Variants in DPP10 observed in about 807,000 individuals in gnomAD.
DPP10 encodes inactive dipeptidyl peptidase 10.
DPP10 carries 33 observed loss-of-function variants against 120.9 expected under a neutral mutation model. The ratio of observed to expected loss-of-function variants is 0.27; its 90% CI spans 0.21 to 0.37. DPP10 has a LOEUF of 0.37. Among genes scored for constraint, DPP10 ranks in the 10% least tolerant of loss-of-function variants. The probability of loss-of-function intolerance (pLI) is 1.00; values close to 1 mark genes in which losing one functional copy is unlikely to be tolerated. For missense variants in DPP10, 816 were observed against 942.8 expected (o/e 0.87, Z 1.76); for synonymous variants, 337 against 326.1 (o/e 1.03, Z -0.36).
chr2:115,736,704 G>A lies in DPP10; in HGVS notation c.698-3035G>A, dbSNP rs114090543. On this transcript the variant is annotated intron_variant, in intron 8 of 25. Coordinates refer to ENST00000410059, the MANE Select transcript of DPP10 (RefSeq NM_020868.6). Reference sequence around the variant, plus strand: ...AAATATTTTGTGGCAAAAAATTCACGTGCCATCAGCTCTTCCCCTGAGAAG... The same window carrying A: ...AAATATTTTGTGGCAAAAAATTCACATGCCATCAGCTCTTCCCCTGAGAAG... Among the ~76,000 whole-genome samples, 759 of 152,160 alleles carry A rather than the reference G, an allele frequency of 5.0e-3. 10 individuals carry two copies. The highest frequency in any genetic ancestry group is 0.017 in the African/African-American group (714 of 41,510).
chr2:115,166,497 T>TTATATATTATATAAATTTATAATATAAA lies in DPP10; in HGVS notation c.61-142734_61-142707dup, dbSNP rs1559172594. On this transcript the variant is annotated intron_variant, in intron 1 of 25. Transcript: ENST00000410059. ...AATTTCTTATTTTTATATGTAAATATTATATATTATATAAATTTATAATAT... is the reference window on the plus strand; with the variant it reads ...AATTTCTTATTTTTATATGTAAATATTATATATTATATAAATTTATAATATAAATATATATTATATAAATTTATAATAT... Among the ~76,000 whole-genome samples, 4 of 116,348 alleles carry TTATATATTATATAAATTTATAATATAAA rather than the reference T, an allele frequency of 3.4e-5. 1 individual carries two copies. Among genetic ancestry groups the TTATATATTATATAAATTTATAATATAAA allele is most frequent in the Non-Finnish European group, 7.5e-5 (4 of 53,532 alleles). 76.3% of individuals were successfully genotyped at this position (116,348 alleles called of 152,430 possible).
chr2:115,342,231 C>T (rs546551790), intron 2 of DPP10: 3 of 438,612 alleles, frequency 6.8e-6, no homozygotes, highest in African/African-American at 2.0e-5. Context: ...CAAGGTCTCA[C>T]CCTGTCACCC....
chr2:115,174,281 C>T (rs2053556490), intron 1 of DPP10, among the ~76,000 whole-genome samples: 1 of 152,078 alleles, frequency 6.6e-6, no homozygotes, highest in South Asian at 2.1e-4. Context: ...TACATGTTTC[C>T]AAATGAGAAA....
intron 21 of DPP10, 21 bp from the exon 22 acceptor site, chr2:115,836,135 TA>T: frequency 4.2e-6 from 5 of 1,193,520 alleles, no homozygotes; most frequent in South Asian, 1.7e-5. Flanking sequence ...TATATATATA[TA>T]TATATATTTT....
intron 19 of DPP10, among the ~76,000 whole-genome samples, chr2:115,807,706 A>AC (rs397939702): frequency 6.6e-6 from 1 of 151,906 alleles, no homozygotes; most frequent in Non-Finnish European, 1.5e-5. Context: ...GAGAGAAAAA[A>AC]GGGACAAGTA....
intron 1 of DPP10, among the ~76,000 whole-genome samples, chr2:114,877,759 G>A (rs1174434328): frequency 2.5e-4 from 38 of 152,036 alleles, no homozygotes; most frequent in Non-Finnish European, 1.0e-4. Context: ...GGGACCCTGT[G>A]GAGTCATGAA....
At chr2:114,857,106 A>C (rs1689425929) in intron 1 of DPP10, among the ~76,000 whole-genome samples, 1 of 152,186 alleles carries the variant, frequency 6.6e-6, no homozygotes, top group South Asian at 2.1e-4. Flanking sequence ...GAATTCTAAC[A>C]CGGGTTTACC....
At chr2:115,722,769 C>A (rs1430520186) in intron 7 of DPP10, among the ~76,000 whole-genome samples, 1 of 150,972 alleles carries the variant, frequency 6.6e-6, no homozygotes, top group East Asian at 1.9e-4. Context: ...GTACAAGCAA[C>A]TATAGTCATC....
At chr2:114,660,254 G>A (rs1210165662) in intron 1 of DPP10, among the ~76,000 whole-genome samples, 1 of 152,038 alleles carries the variant, frequency 6.6e-6, no homozygotes, top group African/African-American at 2.4e-5. Flanking sequence ...TAACAAATAT[G>A]CTTAATATTT....
intron 1 of DPP10, among the ~76,000 whole-genome samples, chr2:114,934,251 C>T (rs1022662312): frequency 2.0e-5 from 3 of 152,066 alleles, no homozygotes; most frequent in Non-Finnish European, 4.4e-5. Flanking sequence ...TTTTGACTCC[C>T]CAAAAACTTA....
At chr2:115,831,062 G>A (rs1688870818) in intron 21 of DPP10, among the ~76,000 whole-genome samples, 1 of 152,118 alleles carries the variant, frequency 6.6e-6, no homozygotes, top group Non-Finnish European at 1.5e-5. Flanking sequence ...TATAGGTATT[G>A]TGATAAAATG....
At chr2:115,026,842 T>C (rs1703498941) in intron 1 of DPP10, among the ~76,000 whole-genome samples, 1 of 152,190 alleles carries the variant, frequency 6.6e-6, no homozygotes, top group African/African-American at 2.4e-5. Flanking sequence ...AGCCTGTTTT[T>C]TCTATTTCTG....
At chr2:114,486,554 T>A (rs1406355005) in intron 1 of DPP10, among the ~76,000 whole-genome samples, 1 of 152,078 alleles carries the variant, frequency 6.6e-6, no homozygotes, top group Non-Finnish European at 1.5e-5. Context: ...ACAAATAGCA[T>A]TGGATATAAG....
intron 1 of DPP10, among the ~76,000 whole-genome samples, chr2:114,975,585 G>A (rs1252407724): frequency 6.6e-6 from 1 of 152,116 alleles, no homozygotes; most frequent in Non-Finnish European, 1.5e-5. Flanking sequence ...ATGTTAAGAT[G>A]TGCTTATTAT....
intron 7 of DPP10, among the ~76,000 whole-genome samples, chr2:115,695,025 C>T (rs1028414347): frequency 6.6e-6 from 1 of 152,184 alleles, no homozygotes; most frequent in African/African-American, 2.4e-5. Context: ...TAACAAGCTC[C>T]TCTCCCTCCA....
At chr2:115,535,745 G>A (rs1415515502) in intron 5 of DPP10, among the ~76,000 whole-genome samples, 1 of 151,702 alleles carries the variant, frequency 6.6e-6, no homozygotes, top group Non-Finnish European at 1.5e-5. Flanking sequence ...CTACCCATGA[G>A]CATGGAATGT....
At chr2:114,660,647 G>A (rs1296515411) in intron 1 of DPP10, among the ~76,000 whole-genome samples, 1 of 152,208 alleles carries the variant, frequency 6.6e-6, no homozygotes, top group Admixed American at 6.5e-5. Context: ...GGTAATAGGA[G>A]AGTTTTTAGG....
intron 3 of DPP10, among the ~76,000 whole-genome samples, chr2:115,384,523 GGAAGAAGAAGAAA>G (rs917666115): frequency 4.4e-5 from 6 of 136,208 alleles, no homozygotes; most frequent in Admixed American, 8.0e-5. Context: ...AGGAAGAAGA[GGAAGAAGAAGAAA>G]GAAGAAGAAG....
intron 1 of DPP10, among the ~76,000 whole-genome samples, chr2:114,673,440 T>C (rs571860068): frequency 5.9e-5 from 9 of 152,252 alleles, no homozygotes; most frequent in South Asian, 2.1e-4. Context: ...TTCTTTTCTT[T>C]TTTTATTTTT....
Sources: gnomAD v4.1 joint callset for allele counts (sites outside exome capture counted in the v4.1 genomes callset) on GRCh38, gnomAD v4.1.1 for gene constraint, MANE v1.5 for transcripts, NCBI Gene and HGNC (gene_info 2026-07-23, HGNC 2026-07-21) for gene names.